The following TSC1 variants were observed in gnomAD, a reference collection of about 807,000 sequenced individuals.
The protein encoded by TSC1 is hamartin.
In TSC1, 20 loss-of-function variants were observed where a neutral mutation model predicts 124.3. The ratio of observed to expected loss-of-function variants is 0.16; its 90% CI spans 0.11 to 0.23. The LOEUF (loss-of-function observed/expected upper bound fraction) is 0.23, where lower values mean the gene tolerates loss of function less well. Among genes scored for constraint, TSC1 ranks in the 10% least tolerant of loss-of-function variants. TSC1 has a pLI of 1.00. For synonymous variants in TSC1, 493 were observed against 539.1 expected (o/e 0.91, Z 1.19); for missense variants, 1,124 against 1,448.5 (o/e 0.78, Z 3.64).
chr9:132,895,231 T>C lies in TSC1; in HGVS notation c.*1004A>G, dbSNP rs1844970589. 4.3e-6 allele frequency: 1 copy of C among 233,272 alleles called. No homozygotes were observed. Among genetic ancestry groups the C allele is most frequent in the Non-Finnish European group, 8.5e-6 (1 of 117,876 alleles). The allele number at this position is 233,272 out of a possible 1,614,324, so 14.5% of individuals were successfully genotyped here. On this transcript the variant is annotated 3_prime_UTR_variant, in exon 23 of 23. Coordinates refer to ENST00000298552, the MANE Select transcript of TSC1 (RefSeq NM_000368.5). The stretch of plus-strand genomic sequence containing the variant: ...ATGGTCACATACACTTTGCAGAAAC[T>C]CTTTGGACCTTCAGAGCCTTTCTGC...
At chr9:132,924,795 T>C (rs924502713) in intron 5 of TSC1, 4 of 152,208 alleles carry the variant, frequency 2.6e-5, no homozygotes, top group African/African-American at 9.6e-5. Flanking sequence ...ACCCTGCCAA[T>C]GTGACTCCTT....
intron 8 of TSC1, among the ~76,000 whole-genome samples, chr9:132,914,598 C>T (rs996727628): frequency 1.3e-5 from 2 of 151,774 alleles, no homozygotes; most frequent in African/African-American, 4.8e-5. Flanking sequence ...GTGGCTCGTA[C>T]CTGTAATCTC....
At chr9:132,943,866 G>A (rs533051954) in intron 1 of TSC1, 2 of 152,202 alleles carry the variant, frequency 1.3e-5, no homozygotes, top group African/African-American at 4.8e-5. Flanking sequence ...TCCGATTGCA[G>A]GCTCTTCATC....
chr9:132,911,156 TAA>T, intron 10 of TSC1, 43 bp from the exon 11 acceptor site: 1 of 1,494,626 alleles, frequency 6.7e-7, no homozygotes, highest in Non-Finnish European at 9.3e-7. Context: ...AAAGGAATGC[TAA>T]GTCATCCACG....
Position 132,895,966 on chromosome 9 carries a change from C to G in TSC1, c.*269G>C. The G allele has an allele frequency of 1.9e-6, 1 of 528,790 alleles. No individual in the cohort carries two copies. The highest frequency in any genetic ancestry group is 3.4e-6 in the Non-Finnish European group (1 of 292,118). The allele number at this position is 528,790 out of a possible 1,614,324, so 32.8% of individuals were successfully genotyped here. The stretch of plus-strand genomic sequence containing the variant: ...GGGGGAAAGGAAGAAAGTAAAGCTA[C>G]TGAGGAACACCAACTGGCCCTTGGA... On this transcript the variant is annotated 3_prime_UTR_variant, in exon 23 of 23. Transcript: ENST00000298552.
At chr9:132,910,926 A>G in intron 11 of TSC1, 76 bp downstream of exon 11, 1 of 1,420,132 alleles carries the variant, frequency 7.0e-7, no homozygotes, top group South Asian at 1.2e-5. Context: ...GGTCCCTTAG[A>G]TCTAAAAGAG....
chr9:132,905,825 G>A lies in TSC1; in HGVS notation c.1753C>T (p.Pro585Ser), dbSNP rs766367103. 2 of 1,614,192 alleles carry A rather than the reference G, an allele frequency of 1.2e-6. No individual in the cohort carries two copies. Among genetic ancestry groups the A allele is most frequent in the Admixed American group, 1.7e-5 (1 of 60,036 alleles). The part of the protein sequence containing the change: ...SLETSIFTPS[P>S]CKIPPPTRVG... ...CTCGTCGGAGGTGGAATTTTACAAG[G>A]ACTGGGAGTGAAGATACTGGTCTCC... Residue 585 changes from proline (P) to serine (S), a missense_variant, in exon 15 of 23, where the codon CCT becomes TCT. This residue lies in a region of TSC1 where 321 missense variants were observed against 397.4 expected (regional missense o/e 0.81). Transcript: ENST00000298552.
In TSC1 at chr9:132,944,504, GCCCCCATAAAAAGGAGGGGGAGACA is replaced by G. The variant is rs1466034638; in HGVS notation, c.-144+14_-144+38del. On this transcript the variant is annotated intron_variant, in intron 1 of 22. Coordinates refer to ENST00000298552, the MANE Select transcript of TSC1 (RefSeq NM_000368.5). The stretch of plus-strand genomic sequence containing the variant: ...CATGGTGCCGGGGCTGCCCCAGGAA[GCCCCCATAAAAAGGAGGGGGAGACA>G]CCCCCATACTCACCCACCGTCTCCT... The G allele has an allele frequency of 5.0e-6, 2 of 398,384 alleles. No homozygotes were observed. Among genetic ancestry groups the G allele is most frequent in the African/African-American group, 4.1e-5 (2 of 48,634 alleles). The allele number at this position is 398,384 out of a possible 1,614,324, so 24.7% of individuals were successfully genotyped here.
At chr9:132,917,708 A>T (rs542770875) in intron 8 of TSC1, among the ~76,000 whole-genome samples, 3 of 152,200 alleles carry the variant, frequency 2.0e-5, no homozygotes, top group African/African-American at 7.2e-5. Flanking sequence ...TGTTCTGCTC[A>T]TATTACCAAG....
At chr9:132,938,381 AC>A (rs1371103761) in intron 1 of TSC1, among the ~76,000 whole-genome samples, 1 of 152,160 alleles carries the variant, frequency 6.6e-6, no homozygotes, top group Non-Finnish European at 1.5e-5. Context: ...CCAGATCTAG[AC>A]TTTTTTCCCT....
chr9:132,936,764 T>C (rs1345542858), intron 1 of TSC1, among the ~76,000 whole-genome samples: 1 of 152,152 alleles, frequency 6.6e-6, no homozygotes, highest in East Asian at 1.9e-4. Flanking sequence ...TCAGAACTGG[T>C]AAGATTTAAT....
At position 132,928,883 on chromosome 9, in the gene TSC1, G is replaced by C; in HGVS notation, c.-11C>G. The stretch of plus-strand genomic sequence containing the variant: ...TGCTTGTTGGGCCATTCTCTCGCTC[G>C]AAGGCGCTGTGCTGGCTCCAGGACG... On this transcript the variant is annotated 5_prime_UTR_variant, in exon 3 of 23. Coordinates refer to ENST00000298552, the MANE Select transcript of TSC1 (RefSeq NM_000368.5). The C allele has an allele frequency of 6.2e-7, 1 of 1,613,966 alleles. No individual in the cohort carries two copies. The highest frequency in any genetic ancestry group is 8.5e-7 in the Non-Finnish European group (1 of 1,179,994).
At chr9:132,937,974 C>T (rs1408531944) in intron 1 of TSC1, among the ~76,000 whole-genome samples, 1 of 152,166 alleles carries the variant, frequency 6.6e-6, no homozygotes, top group Non-Finnish European at 1.5e-5. Context: ...CCTTGGCCTC[C>T]CATAGTGCTG....
chr9:132,910,155 G>T, intron 12 of TSC1: 2 of 283,718 alleles, frequency 7.0e-6, no homozygotes, highest in Non-Finnish European at 1.3e-5. Flanking sequence ...AAAAAACTTA[G>T]CCAGGCATCA....
intron 1 of TSC1, among the ~76,000 whole-genome samples, chr9:132,936,849 A>G (rs1285421633): frequency 6.6e-6 from 1 of 152,220 alleles, no homozygotes; most frequent in Non-Finnish European, 1.5e-5. Context: ...ACACCTAATT[A>G]CCCTAAACAT....
At chr9:132,929,034 T>TG in intron 2 of TSC1, 82 bp from the exon 3 acceptor site, 1 of 1,260,258 alleles carries the variant, frequency 7.9e-7, no homozygotes, top group Non-Finnish European at 1.1e-6. Flanking sequence ...GACAAACTAA[T>TG]GCACGTGTTC....
At chr9:132,929,000 C>T in intron 2 of TSC1, 48 bp from the exon 3 acceptor site, 1 of 1,494,788 alleles carries the variant, frequency 6.7e-7, no homozygotes, top group Non-Finnish European at 8.9e-7. Context: ...CATTTTTCTC[C>T]ATAAAAAAAG....
At chr9:132,900,870 CGACGACATAAAACTAGCACATA>C (rs775548606) in intron 19 of TSC1, 33 bp from the exon 20 acceptor site, 3 of 1,613,262 alleles carry the variant, frequency 1.9e-6, no homozygotes, top group Non-Finnish European at 2.5e-6. Context: ...GTGAAAAATC[CGACGACATAAAACTAGCACATA>C]GACGTCATTA....
At chr9:132,897,082 C>G (rs1418067045) in intron 22 of TSC1, 102 bp downstream of exon 22, 2 of 1,570,796 alleles carry the variant, frequency 1.3e-6, no homozygotes, top group South Asian at 2.2e-5. Context: ...GTGTTGCAGC[C>G]TGTCTAGTCA....
Sources: allele counts gnomAD v4.1 joint callset (sites outside exome capture counted in the v4.1 genomes callset), GRCh38; gene constraint gnomAD v4.1.1; regional missense constraint gnomAD v4.1.1; transcripts MANE v1.5; gene names NCBI Gene and HGNC (gene_info 2026-07-23, HGNC 2026-07-21).